Variants in PARP12 observed in about 807,000 individuals in gnomAD.
PARP12 encodes poly(ADP-ribose) polymerase family member 12.
PARP12 carries 59 observed loss-of-function variants against 72.4 expected under a neutral mutation model. The observed-to-expected ratio is 0.81, with a 90% CI of 0.66 to 1.01. The LOEUF (loss-of-function observed/expected upper bound fraction) is 1.01. Among genes scored for constraint, PARP12 ranks in the 50% least tolerant of loss-of-function variants. The pLI, the probability that PARP12 is intolerant of heterozygous loss-of-function variation, is 0.00. For missense variants in PARP12, 851 were observed against 914.0 expected, an observed-to-expected ratio of 0.93 and a Z score of 0.89; for synonymous variants, 403 against 371.4, an observed-to-expected ratio of 1.09 and a Z score of -0.98.
At chr7:140,027,670 TAGAC>T (rs1253256829) in intron 9 of PARP12, 4 of 302,174 alleles carry the variant, frequency 1.3e-5, no homozygotes, top group Admixed American at 1.2e-4. Context: ...TTGGTTTCGT[TAGAC>T]AGTATGTTGT....
intron 3 of PARP12, among the ~76,000 whole-genome samples, chr7:140,055,441 G>A (rs2116654456): frequency 6.6e-6 from 1 of 152,294 alleles, no homozygotes; most frequent in African/African-American, 2.4e-5. Flanking sequence ...ATGCCAATGA[G>A]TCTTTACCTA....
chr7:140,027,165 C>T lies in PARP12; in HGVS notation c.1628+111G>A, dbSNP rs1487839398. On this transcript the variant is annotated intron_variant, in intron 10 of 11. Coordinates refer to ENST00000263549, the MANE Select transcript of PARP12 (RefSeq NM_022750.4). ...CAGACACACAGCTCCCAGCACATGG[C>T]AGCCCTAACTGCCGCTCTGCTTTTC... The T allele has an allele frequency of 4.2e-6, 6 of 1,416,352 alleles. No individual in the cohort carries two copies. In the East Asian group the frequency reaches 7.0e-5, roughly 17 times the overall value. The allele number at this position is 1,416,352 out of a possible 1,614,324, so 87.7% of individuals were successfully genotyped here.
In PARP12 at chr7:140,062,663, G is replaced by C; in HGVS notation, c.185C>G (p.Pro62Arg). 1 of 1,298,934 alleles carries C rather than the reference G, an allele frequency of 7.7e-7. No individual in the cohort carries two copies. Among genetic ancestry groups the C allele is most frequent in the Non-Finnish European group, 9.7e-7 (1 of 1,026,932 alleles). 80.5% of individuals were successfully genotyped at this position (1,298,934 alleles called of 1,614,324 possible). A position where few individuals can be genotyped will look rare whatever the true frequency, so the allele number is the denominator to read the frequency against. The change falls in exon 1 of 12, where the codon CCG becomes CGG. Residue 62 changes from proline (P) to arginine (R), a missense_variant. Transcript: ENST00000263549. ...CGAGGCGGCCAGCACCACGCGCTCC[G>C]GGGCCGCGGCTGCGCCGCCCGCCCG... ...AVRAGGAAAA[P>R]ERVVLAASPL...
rs199610579 is a variant in PARP12 at position 140,062,471 on chromosome 7, T to TG, written c.326+50dup. 4.5e-3 allele frequency: 6,647 copies of TG among 1,489,446 alleles called. 257 individuals carry two copies. The African/African-American group carries it at 0.083, about 19-fold the overall frequency. 92.3% of individuals were successfully genotyped at this position (1,489,446 alleles called of 1,614,324 possible). On this transcript the variant is annotated intron_variant, in intron 1 of 11. Transcript: ENST00000263549. ...GACCCCCAAGCGGGCTGGAAGTGCG[T>TG]GAGGGCGCGCAGGACCTCCGCCCGC... is the stretch of plus-strand genomic sequence containing the variant.
At chr7:140,025,797 G>C (rs1373488964) in intron 11 of PARP12, among the ~76,000 whole-genome samples, 1 of 152,206 alleles carries the variant, frequency 6.6e-6, no homozygotes, top group African/African-American at 2.4e-5. Flanking sequence ...TAACTCACGT[G>C]ATAGCTAGAA....
intron 4 of PARP12, among the ~76,000 whole-genome samples, chr7:140,050,028 G>A (rs1816899870): frequency 6.6e-6 from 1 of 151,800 alleles, no homozygotes; most frequent in Admixed American, 6.6e-5. Context: ...TGAAATAACA[G>A]GCCAGAGAGA....
chr7:140,062,883 C>T lies in PARP12; in HGVS notation c.-36G>A, dbSNP rs1356383381. The T allele has an allele frequency of 6.5e-6, 8 of 1,239,528 alleles. No homozygotes were observed. The highest frequency in any genetic ancestry group is 8.1e-6 in the Non-Finnish European group (8 of 992,002). 76.8% of individuals were successfully genotyped at this position (1,239,528 alleles called of 1,614,324 possible). A position where few individuals can be genotyped will look rare whatever the true frequency, so the allele number is the denominator to read the frequency against. ...CCTGCTCCCGTCGGACCGCGGGTGG[C>T]GCGACGCGGACGGCGGCGGACGCTG... On this transcript the variant is annotated 5_prime_UTR_variant, in exon 1 of 12. Transcript: ENST00000263549.
At chr7:140,035,333 T>C (rs970302283) in intron 7 of PARP12, among the ~76,000 whole-genome samples, 1 of 152,096 alleles carries the variant, frequency 6.6e-6, no homozygotes, top group African/African-American at 2.4e-5. Context: ...TTTAAATGGG[T>C]GTTACTGGCC....
At chr7:140,044,159 G>A (rs1200674985) in intron 5 of PARP12, among the ~76,000 whole-genome samples, 1 of 152,022 alleles carries the variant, frequency 6.6e-6, no homozygotes, top group Non-Finnish European at 1.5e-5. Context: ...ACCAAAGAAT[G>A]ACAAGATATT....
At chr7:140,052,812 C>A (rs1817018794) in intron 4 of PARP12, among the ~76,000 whole-genome samples, 2 of 149,832 alleles carry the variant, frequency 1.3e-5, no homozygotes, top group South Asian at 4.2e-4. Flanking sequence ...TGAGTAGATA[C>A]TTCACAGAAA....
intron 1 of PARP12, among the ~76,000 whole-genome samples, chr7:140,059,361 TACACACAC>T (rs36173318): frequency 0.086 from 12,702 of 148,376 alleles, 565 homozygotes; most frequent in Non-Finnish European, 0.1. Flanking sequence ...CAGGCGTGTA[TACACACAC>T]ACACACACAC....
chr7:140,048,251 T>C (rs1176932657), intron 4 of PARP12, among the ~76,000 whole-genome samples: 2 of 152,196 alleles, frequency 1.3e-5, no homozygotes, highest in African/African-American at 2.4e-5. Flanking sequence ...CCCAGACCTA[T>C]GGGTTCCGGT....
At chr7:140,052,459 T>G (rs1817003545) in intron 4 of PARP12, among the ~76,000 whole-genome samples, 1 of 152,176 alleles carries the variant, frequency 6.6e-6, no homozygotes, top group Admixed American at 6.5e-5. Context: ...CCTCATAAAC[T>G]TTTTTGTAAA....
At chr7:140,026,060 G>C in intron 11 of PARP12, 137 bp downstream of exon 11, 1 of 1,293,740 alleles carries the variant, frequency 7.7e-7, no homozygotes, top group Non-Finnish European at 1.1e-6. Context: ...ACTGGTAGCT[G>C]TGCCCAGGTA....
rs3216987 is a variant in PARP12, at chr7:140,046,799, A to AGTGTGTGT, written c.986+77_986+84dup. The AGTGTGTGT allele has an allele frequency of 8.9e-3, 7,728 of 868,142 alleles. 197 individuals carry two copies. The highest frequency in any genetic ancestry group is 0.049 in the African/African-American group (2,014 of 41,324). 53.8% of individuals were successfully genotyped at this position (868,142 alleles called of 1,614,324 possible). A position where few individuals can be genotyped will look rare whatever the true frequency, so the allele number is the denominator to read the frequency against. On this transcript the variant is annotated intron_variant, in intron 5 of 11. Coordinates refer to ENST00000263549, the MANE Select transcript of PARP12 (RefSeq NM_022750.4). ...GGCACCTCCAGACTAGGCTGCTCAC[A>AGTGTGTGT]GTGTGTGTGTGTGTGTGTGTGTGTG...
Position 140,054,694 on chromosome 7 carries a change from A to G in PARP12, c.830T>C (p.Leu277Ser), listed in dbSNP as rs1355387279. The change falls in exon 4 of 12, where the codon TTG (leucine) becomes TCG (serine). Residue 277 changes from leucine to serine, a missense_variant. Around this residue, in one of 3 missense-constraint regions of PARP12, gnomAD observed 492 missense variants for 489.3 expected, o/e 1.01. Coordinates refer to ENST00000263549, the MANE Select transcript of PARP12 (RefSeq NM_022750.4). ...GCTACAACTTTTCCGGATATGGTAC[A>G]AACAGATCTGATCACCCTCCTCCTG... ...LSQEEGDQIC[L>S]YHIRKSCSFQ... 6.2e-7 allele frequency: 1 copy of G among 1,613,998 alleles called. No individual in the cohort carries two copies. The highest frequency in any genetic ancestry group is 1.3e-5 in the African/African-American group (1 of 74,938).
intron 5 of PARP12, among the ~76,000 whole-genome samples, chr7:140,046,125 GT>G (rs1280206024): frequency 6.6e-6 from 1 of 152,218 alleles, no homozygotes; most frequent in African/African-American, 2.4e-5. Flanking sequence ...TCTTCGCTGT[GT>G]GTAAATTTTG....
intron 4 of PARP12, among the ~76,000 whole-genome samples, chr7:140,048,575 C>T (rs1389806803): frequency 6.6e-6 from 1 of 152,100 alleles, no homozygotes; most frequent in Non-Finnish European, 1.5e-5. Context: ...CAGAATGCCT[C>T]TATTTGGGTA....
intron 5 of PARP12, among the ~76,000 whole-genome samples, chr7:140,044,367 T>C (rs10226595): frequency 0.011 from 1,748 of 152,308 alleles, 27 homozygotes; most frequent in African/African-American, 0.04. Flanking sequence ...TGATGTCCTT[T>C]TAAGACGAGG....
Sources: allele counts gnomAD v4.1 joint callset (sites outside exome capture counted in the v4.1 genomes callset), GRCh38; gene constraint gnomAD v4.1.1; regional missense constraint gnomAD v4.1.1; transcripts MANE v1.5; gene names NCBI Gene and HGNC (gene_info 2026-07-23, HGNC 2026-07-21).